The following SBNO2 variants were observed in gnomAD, a reference collection of about 807,000 sequenced individuals.
SBNO2 encodes protein strawberry notch homolog 2.
In SBNO2, 89 loss-of-function variants were observed where a neutral mutation model predicts 146.3. The ratio of observed to expected loss-of-function variants is 0.61; its 90% confidence interval spans 0.51 to 0.73. The LOEUF (loss-of-function observed/expected upper bound fraction) is 0.73, where lower values mean the gene tolerates loss of function less well. Ranked by LOEUF, SBNO2 falls within the 30% of genes least tolerant of loss-of-function variation. The pLI is 0.00. For synonymous variants in SBNO2, 1,147 were observed against 892.6 expected (o/e 1.29, Z -5.08); for missense variants, 2,092 against 2,003.7 (o/e 1.04, Z -0.84).
intron 1 of SBNO2, among the ~76,000 whole-genome samples, chr19:1,156,542 G>A (rs930129205): frequency 1.3e-5 from 2 of 152,052 alleles, no homozygotes; most frequent in African/African-American, 2.4e-5. Flanking sequence ...ACACAGAAAC[G>A]TGGCCATGCA....
At chr19:1,142,150 G>C (rs1282529518) in intron 4 of SBNO2, among the ~76,000 whole-genome samples, 1 of 46,050 alleles carries the variant, frequency 2.2e-5, no homozygotes, top group Non-Finnish European at 3.9e-5. Flanking sequence ...CCCTCCCCAC[G>C]ATCAATCCTC....
chr19:1,111,517 G>A lies in SBNO2; in HGVS notation c.2798C>T (p.Thr933Ile), dbSNP rs1227305432. 1.9e-6 allele frequency: 3 copies of A among 1,579,402 alleles called. No individual in the cohort carries two copies. The highest frequency in any genetic ancestry group is 2.6e-6 in the Non-Finnish European group (3 of 1,162,830). ...CCAGCCCAGCTTACCCCGGAAGAAGGTGGGGACCCCTCCAGGGTATCCCTG... is the reference window on the plus strand; with the variant it reads ...CCAGCCCAGCTTACCCCGGAAGAAGATGGGGACCCCTCCAGGGTATCCCTG... ...VPQGYPGGVPTFFRDMKQGLL... is the reference protein window; with the variant it reads ...VPQGYPGGVPIFFRDMKQGLL... The change falls in exon 24 of 32, where the codon ACC becomes ATC. Residue 933 changes from threonine to isoleucine, a missense_variant. Thr to Ile is a moderately conservative substitution (Grantham distance 89). Coordinates refer to ENST00000361757, the MANE Select transcript of SBNO2 (RefSeq NM_014963.3).
chr19:1,149,586 G>A (rs2080224197), intron 2 of SBNO2, 144 bp from the exon 3 acceptor site: 1 of 704,122 alleles, frequency 1.4e-6, no homozygotes, highest in Non-Finnish European at 2.4e-6. Context: ...GGTATCTCCT[G>A]GGGAGTCATT....
At chr19:1,139,229 C>T (rs532498231) in intron 4 of SBNO2, among the ~76,000 whole-genome samples, 23 of 152,140 alleles carry the variant, frequency 1.5e-4, no homozygotes, top group South Asian at 8.3e-4. Context: ...CAGTGAGAGA[C>T]GCCAGAGGCA....
chr19:1,123,728 A>C, intron 6 of SBNO2, 89 bp from the exon 7 acceptor site: 1 of 1,335,644 alleles, frequency 7.5e-7, no homozygotes, highest in Non-Finnish European at 1.0e-6. Context: ...CAGGCTGACC[A>C]TGGGCAGCTG....
chr19:1,109,855 G>C lies in SBNO2; in HGVS notation c.3029-78C>G. On this transcript the variant is annotated intron_variant, in intron 26 of 31. Transcript: ENST00000361757. The surrounding 1 kb of genome is among the most constrained non-coding windows in gnomAD (Gnocchi z 4.2). The stretch of plus-strand genomic sequence containing the variant: ...GGGCCAGGGTCAGTCCCGTAGCCGG[G>C]GCGCACCCTAGAGACGACCCCCCGA... The C allele has an allele frequency of 8.8e-7, 1 of 1,132,118 alleles. No individual in the cohort carries two copies. The highest frequency in any genetic ancestry group is 1.3e-6 in the Non-Finnish European group (1 of 792,524). The allele number at this position is 1,132,118 out of a possible 1,614,324, so 70.1% of individuals were successfully genotyped here.
At position 1,144,216 on chromosome 19, in the gene SBNO2, A is replaced by T. The variant is rs994835729; in HGVS notation, c.279+3093T>A. On this transcript the variant is annotated intron_variant, in intron 4 of 31. Coordinates refer to ENST00000361757, the MANE Select transcript of SBNO2 (RefSeq NM_014963.3). This position sits in a 1 kb window ranked among gnomAD's most constrained non-coding sequence, Gnocchi z 4.1. The stretch of plus-strand genomic sequence containing the variant: ...ACCACAGAACCTTGCGGCCCAGCCC[A>T]CAGGACTGAGCTGACCCACACCCGT... 3.4e-4 allele frequency among the ~76,000 whole-genome samples: 51 copies of T among 152,038 alleles called. No individual in the cohort carries two copies. The highest frequency in any genetic ancestry group is 1.2e-3 in the African/African-American group (49 of 41,378).
In SBNO2 at chr19:1,150,797, G is replaced by A. The variant is rs146917538; in HGVS notation, c.94-1355C>T. 1.2e-4 allele frequency among the ~76,000 whole-genome samples: 19 copies of A among 152,320 alleles called. No homozygotes were observed. The highest frequency in any genetic ancestry group is 3.3e-4 in the Admixed American group (5 of 15,308). ...CCTCACACTGGCTGGGAACCAGCCCGGATGGCCGGGGGCCACTTTCTGTAC... is the reference window on the plus strand; with the variant it reads ...CCTCACACTGGCTGGGAACCAGCCCAGATGGCCGGGGGCCACTTTCTGTAC... On this transcript the variant is annotated intron_variant, in intron 2 of 31. Coordinates refer to ENST00000361757, the MANE Select transcript of SBNO2 (RefSeq NM_014963.3). This position sits in a 1 kb window ranked among gnomAD's most constrained non-coding sequence, Gnocchi z 6.2.
At chr19:1,159,833 T>A (rs1301066863) in intron 1 of SBNO2, among the ~76,000 whole-genome samples, 1 of 150,614 alleles carries the variant, frequency 6.6e-6, no homozygotes, top group Non-Finnish European at 1.5e-5. Context: ...AGGGGACACA[T>A]TCAAGACATC....
Position 1,168,376 on chromosome 19 carries a change from G to A in SBNO2, c.-127+5796C>T, listed in dbSNP as rs1330650866. ...ACACCGACAGCCATTCTCCACCAGGGCCCCAGCGCCCAGCTGAGTGAGACC... is the reference window on the plus strand; with the variant it reads ...ACACCGACAGCCATTCTCCACCAGGACCCCAGCGCCCAGCTGAGTGAGACC... On this transcript the variant is annotated intron_variant, in intron 1 of 31. Coordinates refer to ENST00000361757, the MANE Select transcript of SBNO2 (RefSeq NM_014963.3). 2.6e-5 allele frequency among the ~76,000 whole-genome samples: 4 copies of A among 152,154 alleles called. No homozygotes were observed. The East Asian group carries it at 7.7e-4, about 29-fold the overall frequency.
chr19:1,127,258 G>A (rs574818679), intron 5 of SBNO2, among the ~76,000 whole-genome samples: 40 of 152,178 alleles, frequency 2.6e-4, no homozygotes, highest in African/African-American at 3.4e-4. Flanking sequence ...CTAGACCAGG[G>A]ACTCCCCGGG....
intron 1 of SBNO2, among the ~76,000 whole-genome samples, chr19:1,165,714 CTCA>C (rs1370786407): frequency 6.9e-6 from 1 of 144,494 alleles, no homozygotes; most frequent in Non-Finnish European, 1.5e-5. Flanking sequence ...GACCCCAGAT[CTCA>C]GACCCCAGAT....
chr19:1,111,070 C>A lies in SBNO2; in HGVS notation c.2833G>T (p.Val945Leu). 1 of 1,559,630 alleles carries A rather than the reference C, an allele frequency of 6.4e-7. No individual in the cohort carries two copies. Among genetic ancestry groups the A allele is most frequent in the Non-Finnish European group, 8.7e-7 (1 of 1,153,140 alleles). The change falls in exon 25 of 32, where the codon GTG becomes TTG. Residue 945 changes from valine to leucine, a missense_variant. Transcript: ENST00000361757. ...CGGGACTCCCGGCCACCAATGCCCA[C>A]AGACAGCAGGCCCTGCTTCATGTCT... is the stretch of plus-strand genomic sequence containing the variant. ...FRDMKQGLLS[V>L]GIGGRESRNG...
chr19:1,143,969 C>A (rs1201888404), intron 4 of SBNO2, among the ~76,000 whole-genome samples: 6 of 152,246 alleles, frequency 3.9e-5, no homozygotes, highest in African/African-American at 1.2e-4. Flanking sequence ...AACCGTGTGG[C>A]CAGCACATTT....
In SBNO2 at chr19:1,109,404, C is replaced by A. The variant is rs769994144; in HGVS notation, c.3236G>T (p.Ser1079Ile). Reference sequence around the variant, plus strand: ...GCGGTTCTGCTCCGCCAGCAGGCAGCTGGGCTTGTTACCGCGGACCTGCGG... The same window carrying A: ...GCGGTTCTGCTCCGCCAGCAGGCAGATGGGCTTGTTACCGCGGACCTGCGG... The part of the protein sequence containing the change: ...LSYKVRGNKP[S>I]CLLAEQNRGQ... Residue 1079 changes from serine (S) to isoleucine (I), a missense_variant, in exon 29 of 32, where the codon AGC becomes ATC. Ser to Ile is a moderately radical substitution (Grantham distance 142). Coordinates refer to ENST00000361757, the MANE Select transcript of SBNO2 (RefSeq NM_014963.3). The surrounding 1 kb of genome is among the most constrained non-coding windows in gnomAD (Gnocchi z 4.2). 1 of 1,568,586 alleles carries A rather than the reference C, an allele frequency of 6.4e-7. No individual in the cohort carries two copies. Among genetic ancestry groups the A allele is most frequent in the Non-Finnish European group, 8.6e-7 (1 of 1,157,786 alleles).
intron 1 of SBNO2, among the ~76,000 whole-genome samples, chr19:1,167,805 G>T (rs929944914): frequency 6.6e-6 from 1 of 152,208 alleles, no homozygotes; most frequent in Non-Finnish European, 1.5e-5. Flanking sequence ...CTGCGGTCAG[G>T]CCGCGTGCAC....
intron 16 of SBNO2, 53 bp downstream of exon 16, chr19:1,116,776 G>C: frequency 6.9e-7 from 1 of 1,441,458 alleles, no homozygotes; most frequent in Admixed American, 2.0e-5. Context: ...CCACAGAGAG[G>C]GGTGGCCATG....
In SBNO2 at chr19:1,150,533, C is replaced by T. The variant is rs921292545; in HGVS notation, c.94-1091G>A. Among the ~76,000 whole-genome samples, 10 of 151,476 alleles carry T rather than the reference C, an allele frequency of 6.6e-5. No individual in the cohort carries two copies. Among genetic ancestry groups the T allele is most frequent in the Non-Finnish European group, 1.5e-4 (10 of 67,810 alleles). ...GCCGTCACGGACGCCCCCACGGTCA[C>T]GGGGGAGACCCTGCCGTCACGGACG... On this transcript the variant is annotated intron_variant, in intron 2 of 31. Transcript: ENST00000361757. This position sits in a 1 kb window ranked among gnomAD's most constrained non-coding sequence, Gnocchi z 6.2.
intron 15 of SBNO2, 148 bp from the exon 16 acceptor site, chr19:1,117,074 C>T (rs1233496520): frequency 1.2e-6 from 1 of 825,376 alleles, no homozygotes; most frequent in Non-Finnish European, 1.9e-6. Flanking sequence ...CCCTACAACA[C>T]ACACTGCTGG....
Sources: gnomAD v4.1 joint callset for allele counts (sites outside exome capture counted in the v4.1 genomes callset) on GRCh38, gnomAD v4.1.1 for gene constraint, Gnocchi (gnomAD v3.1) non-coding constraint, MANE v1.5 for transcripts, NCBI Gene and HGNC (gene_info 2026-07-23, HGNC 2026-07-21) for gene names.